ADCY1: variants seen among roughly 807,000 people sequenced by gnomAD.
ADCY1 encodes the protein adenylate cyclase 1.
In ADCY1, 28 loss-of-function variants were observed where a neutral mutation model predicts 105.4. The ratio of observed to expected loss-of-function variants is 0.27; its 90% CI spans 0.20 to 0.36. ADCY1 has a LOEUF of 0.36. Ranked by LOEUF, ADCY1 falls within the 10% of genes least tolerant of loss-of-function variation. The probability of loss-of-function intolerance (pLI) is 1.00; values close to 1 mark genes in which losing one functional copy is unlikely to be tolerated. For missense variants in ADCY1, 977 were observed against 1,434.2 expected (o/e 0.68, Z 5.15); for synonymous variants, 655 against 623.8 (o/e 1.05, Z -0.75).
At chr7:45,709,040 C>G (rs557239000) in intron 18 of ADCY1, among the ~76,000 whole-genome samples, 2 of 152,072 alleles carry the variant, frequency 1.3e-5, no homozygotes, top group Non-Finnish European at 2.9e-5. Flanking sequence ...TTCTACTAGT[C>G]CAGGATACAG....
Position 45,636,549 on chromosome 7 carries a change from C to T in ADCY1, c.1021-12121C>T, listed in dbSNP as rs1468495143. Among the ~76,000 whole-genome samples, 4 of 151,868 alleles carry T rather than the reference C, an allele frequency of 2.6e-5. No individual in the cohort carries two copies. In the South Asian group the frequency reaches 6.2e-4, roughly 24 times the overall value. ...TATTTTTAGTCTGTTTGTGTGTGTT[C>T]GTTTGTTTGTTTTTGTTGGGACAGA... On this transcript the variant is annotated intron_variant, in intron 4 of 19. Transcript: ENST00000297323.
At chr7:45,701,640 T>G (rs1300176131) in intron 14 of ADCY1, among the ~76,000 whole-genome samples, 4 of 152,218 alleles carry the variant, frequency 2.6e-5, no homozygotes, top group Admixed American at 2.6e-4. Context: ...GAGCCTGATG[T>G]GTTAACACAT....
intron 4 of ADCY1, among the ~76,000 whole-genome samples, chr7:45,631,884 G>A (rs919468989): frequency 6.6e-6 from 1 of 152,146 alleles, no homozygotes; most frequent in African/African-American, 2.4e-5. Flanking sequence ...AAAAATCTTT[G>A]CCTAACCAAA....
chr7:45,648,684 C>T lies in ADCY1; in HGVS notation c.1035C>T (p.Arg345=). The change falls in exon 5 of 20, where the codon CGC becomes CGT. Residue 345 remains arginine (R), a synonymous_variant. Transcript: ENST00000297323. ...CTTCCCTGAAGGAGAACCACTGTCG[C>T]CGCATCAAGATTCTCGGGGACTGCT... is the stretch of plus-strand genomic sequence containing the variant. ...FDELATENHC[R]RIKILGDCYY... The T allele has an allele frequency of 6.2e-7, 1 of 1,614,194 alleles. No individual in the cohort carries two copies. Among genetic ancestry groups the T allele is most frequent in the Non-Finnish European group, 8.5e-7 (1 of 1,180,022 alleles).
intron 3 of ADCY1, among the ~76,000 whole-genome samples, chr7:45,611,129 G>A (rs1793578136): frequency 6.7e-6 from 1 of 150,128 alleles, no homozygotes; most frequent in African/African-American, 2.5e-5. Flanking sequence ...TGGTGGAGGT[G>A]AGTAAACTGA....
intron 14 of ADCY1, among the ~76,000 whole-genome samples, chr7:45,700,400 C>G (rs1784974737): frequency 6.6e-6 from 1 of 152,174 alleles, no homozygotes; most frequent in Non-Finnish European, 1.5e-5. Flanking sequence ...AATTCAGCCC[C>G]AAAGTTAGAG....
At chr7:45,673,562 G>C (rs1310468548) in intron 8 of ADCY1, among the ~76,000 whole-genome samples, 1 of 152,122 alleles carries the variant, frequency 6.6e-6, no homozygotes, top group Admixed American at 6.5e-5. Context: ...TGTGTGTAGA[G>C]TTGTTTATAA....
intron 2 of ADCY1, among the ~76,000 whole-genome samples, chr7:45,605,850 G>A (rs1793358381): frequency 6.6e-6 from 1 of 152,170 alleles, no homozygotes; most frequent in Admixed American, 6.5e-5. Flanking sequence ...TTCACTTGAT[G>A]AGCTTGTTCT....
At chr7:45,625,845 G>A (rs918228947) in intron 4 of ADCY1, among the ~76,000 whole-genome samples, 1 of 152,208 alleles carries the variant, frequency 6.6e-6, no homozygotes, top group Non-Finnish European at 1.5e-5. Context: ...TTTGTGTCAG[G>A]GGAGTCTGTC....
At position 45,708,297 on chromosome 7, in the gene ADCY1, C is replaced by A; in HGVS notation, c.2818-53C>A. 7.3e-7 allele frequency: 1 copy of A among 1,370,954 alleles called. No individual in the cohort carries two copies. The highest frequency in any genetic ancestry group is 1.0e-6 in the Non-Finnish European group (1 of 964,042). 84.9% of individuals were successfully genotyped at this position (1,370,954 alleles called of 1,614,324 possible). ...TGGGCACTGCAGGTTGGTCCCTGGC[C>A]CCCTCTTGCCTTGCACTCCCCAGAT... On this transcript the variant is annotated intron_variant, in intron 17 of 19. Transcript: ENST00000297323. The surrounding 1 kb of genome is among the most constrained non-coding windows in gnomAD (Gnocchi z 4.7).
At chr7:45,712,655 G>C (rs1234598747) in intron 19 of ADCY1, among the ~76,000 whole-genome samples, 1 of 152,082 alleles carries the variant, frequency 6.6e-6, no homozygotes, top group African/African-American at 2.4e-5. Context: ...CATGGATTTG[G>C]TTCTTTTAAC....
chr7:45,574,152 A>C, upstream of ADCY1: 2 of 985,060 alleles, frequency 2.0e-6, no homozygotes, highest in Non-Finnish European at 2.4e-6. This position sits in a 1 kb window ranked among gnomAD's most constrained non-coding sequence, Gnocchi z 7.0. Context: ...TCCACTGTGC[A>C]CGGTGGGGAA....
At chr7:45,706,898 A>G (rs1231488860) in intron 17 of ADCY1, among the ~76,000 whole-genome samples, 1 of 152,218 alleles carries the variant, frequency 6.6e-6, no homozygotes, top group Non-Finnish European at 1.5e-5. Context: ...TGGGCAAACA[A>G]TTCGAACAGG....
chr7:45,638,683 A>G (rs888245666), intron 4 of ADCY1, among the ~76,000 whole-genome samples: 2 of 150,878 alleles, frequency 1.3e-5, no homozygotes, highest in East Asian at 4.0e-4. Flanking sequence ...GTGAAGTAGG[A>G]GCATGTGAGA....
chr7:45,619,439 C>A (rs1227530824), intron 3 of ADCY1, among the ~76,000 whole-genome samples: 1 of 152,058 alleles, frequency 6.6e-6, no homozygotes, highest in Non-Finnish European at 1.5e-5. Context: ...TTGATAACTG[C>A]ATGTTGTATA....
chr7:45,711,825 T>TA lies in ADCY1; in HGVS notation c.3057+1177dup, dbSNP rs36173481. On this transcript the variant is annotated intron_variant, in intron 19 of 19. Coordinates refer to ENST00000297323, the MANE Select transcript of ADCY1 (RefSeq NM_021116.4). ...CTTATACTTTTTTACAATGTACTTT[T>TA]AAAATATACAATATTTAAATATTAA... Among the ~76,000 whole-genome samples the TA allele has an allele frequency of 1.5e-4, 20 of 133,164 alleles. 1 individual carries two copies. The highest frequency in any genetic ancestry group is 2.6e-4 in the Non-Finnish European group (17 of 64,324). 87.4% of individuals were successfully genotyped at this position (133,164 alleles called of 152,430 possible).
At chr7:45,709,410 G>A (rs1022246980) in intron 18 of ADCY1, among the ~76,000 whole-genome samples, 1 of 152,248 alleles carries the variant, frequency 6.6e-6, no homozygotes, top group Non-Finnish European at 1.5e-5. Context: ...ATCTCTCGGG[G>A]CCCTTCTGCC....
At chr7:45,627,857 A>G (rs950683285) in intron 4 of ADCY1, among the ~76,000 whole-genome samples, 1 of 152,072 alleles carries the variant, frequency 6.6e-6, no homozygotes, top group Admixed American at 6.5e-5. Flanking sequence ...TCGTGGGGAG[A>G]TGCATCTGCA....
chr7:45,646,248 C>T (rs924044108), intron 4 of ADCY1, among the ~76,000 whole-genome samples: 2 of 152,074 alleles, frequency 1.3e-5, no homozygotes, highest in African/African-American at 2.4e-5. Flanking sequence ...GCTGTCCGGT[C>T]GCATCCCTGG....
Sources: allele counts gnomAD v4.1 joint callset (sites outside exome capture counted in the v4.1 genomes callset), GRCh38; gene constraint gnomAD v4.1.1; non-coding constraint Gnocchi (gnomAD v3.1); transcripts MANE v1.5; gene names NCBI Gene and HGNC (gene_info 2026-07-23, HGNC 2026-07-21).